LRRC8C: variants seen among roughly 807,000 people sequenced by gnomAD.
The protein encoded by LRRC8C is volume-regulated anion channel subunit LRRC8C.
LRRC8C carries 20 observed loss-of-function variants against 55.3 expected under a neutral mutation model. The ratio of observed to expected loss-of-function variants is 0.36; its 90% CI spans 0.25 to 0.53. The LOEUF is 0.53. Ranked by LOEUF, LRRC8C falls within the 20% of genes least tolerant of loss-of-function variation. The pLI, the probability that LRRC8C is intolerant of heterozygous loss-of-function variation, is 0.92. For synonymous variants in LRRC8C, 376 were observed against 360.7 expected, an observed-to-expected ratio of 1.04 and a Z score of -0.48; for missense variants, 659 against 951.4, an observed-to-expected ratio of 0.69 and a Z score of 4.04.
chr1:89,629,199 C>G (rs1656045386), upstream of LRRC8C, among the ~76,000 whole-genome samples: 1 of 152,186 alleles, frequency 6.6e-6, no homozygotes. Context: ...TAGCATTTAT[C>G]TTGCAGGTAT....
In LRRC8C at chr1:89,637,578, G is replaced by A. The variant is rs553565088; in HGVS notation, c.-5+4256G>A. 2.6e-5 allele frequency among the ~76,000 whole-genome samples: 4 copies of A among 152,148 alleles called. No homozygotes were observed. The East Asian group carries it at 7.7e-4, about 29-fold the overall frequency. ...GCTAGATATTGGTCATTCTTGGACT[G>A]TAAAAGTAGGAAAGAGACTGTGGGG... On this transcript the variant is annotated intron_variant, in intron 1 of 2. Coordinates refer to ENST00000370454, the MANE Select transcript of LRRC8C (RefSeq NM_032270.5).
intron 1 of LRRC8C, among the ~76,000 whole-genome samples, chr1:89,642,168 T>G (rs1314186155): frequency 6.6e-6 from 1 of 152,234 alleles, no homozygotes; most frequent in African/African-American, 2.4e-5. Context: ...TACTTGTAAC[T>G]GTGGTAACCC....
chr1:89,690,986 A>G (rs769506250), intron 2 of LRRC8C, among the ~76,000 whole-genome samples: 1 of 152,226 alleles, frequency 6.6e-6, no homozygotes, highest in Non-Finnish European at 1.5e-5. Flanking sequence ...AAAAAGTGAG[A>G]TGCCAAAAGA....
chr1:89,662,720 T>C (rs72961838), intron 1 of LRRC8C, among the ~76,000 whole-genome samples: 2,349 of 152,288 alleles, frequency 0.015, 52 homozygotes, highest in African/African-American at 0.054. Flanking sequence ...ACCTGAATAA[T>C]GCTAGTTATA....
intron 1 of LRRC8C, among the ~76,000 whole-genome samples, chr1:89,665,153 C>A (rs1244363656): frequency 6.6e-6 from 1 of 152,228 alleles, no homozygotes; most frequent in African/African-American, 2.4e-5. Flanking sequence ...CTGGCCAGAA[C>A]TTCCGATACT....
intron 1 of LRRC8C, among the ~76,000 whole-genome samples, chr1:89,658,730 A>T (rs1657017397): frequency 6.6e-6 from 1 of 152,194 alleles, no homozygotes; most frequent in African/African-American, 2.4e-5. Flanking sequence ...TCTTGAAAAT[A>T]TGTATGTACC....
At chr1:89,673,392 A>G (rs1431681937) in intron 1 of LRRC8C, among the ~76,000 whole-genome samples, 2 of 152,174 alleles carry the variant, frequency 1.3e-5, no homozygotes, top group Admixed American at 6.5e-5. Context: ...TATATCTGCA[A>G]GGTCTAGATA....
rs1274460805 is a variant in LRRC8C at position 89,686,504 on chromosome 1, T to C, written c.31T>C (p.Ser11Pro). 1 of 1,614,222 alleles carries C rather than the reference T, an allele frequency of 6.2e-7. No homozygotes were observed. The highest frequency in any genetic ancestry group is 8.5e-7 in the Non-Finnish European group (1 of 1,180,024). Residue 11 changes from serine to proline, a missense_variant, in exon 2 of 3, where the codon TCT becomes CCT. By Grantham distance (74) the Ser-to-Pro change is moderately conservative. Coordinates refer to ENST00000370454, the MANE Select transcript of LRRC8C (RefSeq NM_032270.5). Reference protein sequence around the residue: MIPVTEFRQFSEQQPAFRVLK... With the variant: MIPVTEFRQFPEQQPAFRVLK... ...TCCCGTGACAGAATTCCGGCAGTTC[T>C]CTGAGCAGCAGCCTGCCTTCCGAGT...
chr1:89,681,994 G>T (rs573430556), intron 1 of LRRC8C, among the ~76,000 whole-genome samples: 2 of 152,094 alleles, frequency 1.3e-5, no homozygotes, highest in Non-Finnish European at 2.9e-5. Flanking sequence ...TGGCTAACAC[G>T]GTGAAACCTC....
At chr1:89,667,601 C>G (rs1372189244) in intron 1 of LRRC8C, among the ~76,000 whole-genome samples, 1 of 152,128 alleles carries the variant, frequency 6.6e-6, no homozygotes, top group Non-Finnish European at 1.5e-5. Flanking sequence ...AATAGAGCTA[C>G]TTTCTGGGCA....
intron 1 of LRRC8C, among the ~76,000 whole-genome samples, chr1:89,666,459 G>C (rs1657266676): frequency 6.6e-6 from 1 of 152,044 alleles, no homozygotes; most frequent in Non-Finnish European, 1.5e-5. Flanking sequence ...ATGAGGCCCA[G>C]GACAGTTCTT....
At chr1:89,646,341 T>G (rs563495987) in intron 1 of LRRC8C, among the ~76,000 whole-genome samples, 16 of 152,204 alleles carry the variant, frequency 1.1e-4, no homozygotes, top group Non-Finnish European at 5.9e-5. Context: ...CCAATACATT[T>G]GACAACTTAA....
chr1:89,701,431 G>A lies in LRRC8C; in HGVS notation c.139-11278G>A, dbSNP rs147755427. Reference sequence around the variant, plus strand: ...GCGGAACTTGCAGTGAGCCAAGATCGCACCACTGCACTCCACTCCAGCCTG... The same window carrying A: ...GCGGAACTTGCAGTGAGCCAAGATCACACCACTGCACTCCACTCCAGCCTG... On this transcript the variant is annotated intron_variant, in intron 2 of 2. Transcript: ENST00000370454. Among the ~76,000 whole-genome samples, 558 of 149,782 alleles carry A rather than the reference G, an allele frequency of 3.7e-3. 3 individuals are homozygous for A. Among genetic ancestry groups the A allele is most frequent in the African/African-American group, 0.013 (522 of 40,682 alleles).
intron 2 of LRRC8C, among the ~76,000 whole-genome samples, chr1:89,692,857 C>T (rs1004350030): frequency 2.0e-5 from 3 of 152,202 alleles, no homozygotes; most frequent in Non-Finnish European, 4.4e-5. Context: ...AAGGTCAACA[C>T]GTTGCTTCCT....
upstream of LRRC8C, among the ~76,000 whole-genome samples, chr1:89,628,293 C>G (rs1418514645): frequency 6.6e-6 from 1 of 152,152 alleles, no homozygotes; most frequent in Non-Finnish European, 1.5e-5. Flanking sequence ...GGCAAATTAA[C>G]AAGAGAAAAG....
At chr1:89,668,784 C>T (rs761695096) in intron 1 of LRRC8C, among the ~76,000 whole-genome samples, 12 of 152,128 alleles carry the variant, frequency 7.9e-5, no homozygotes, top group Non-Finnish European at 1.0e-4. Context: ...ATACCTACCT[C>T]GTGGATTTAA....
At chr1:89,670,223 C>G (rs1037415775) in intron 1 of LRRC8C, among the ~76,000 whole-genome samples, 2 of 152,150 alleles carry the variant, frequency 1.3e-5, no homozygotes, top group Non-Finnish European at 2.9e-5. Flanking sequence ...CGTTTACATG[C>G]TTTTTGCGTG....
rs2101237276 is a variant in LRRC8C at position 89,670,785 on chromosome 1, G to A, written c.-4-15685G>A. On this transcript the variant is annotated intron_variant, in intron 1 of 2. Transcript: ENST00000370454. ...TTTAAATTTAGATTGTGAAAGTAAA[G>A]GTACCTGTTTATTTCTGTTTTCATA... Among the ~76,000 whole-genome samples the A allele has an allele frequency of 1.3e-5, 2 of 152,226 alleles. 1 individual carries two copies. Among genetic ancestry groups the A allele is most frequent in the East Asian group, 3.9e-4 (2 of 5,184 alleles).
chr1:89,667,822 C>T (rs928068247), intron 1 of LRRC8C, among the ~76,000 whole-genome samples: 2 of 152,182 alleles, frequency 1.3e-5, no homozygotes, highest in East Asian at 1.9e-4. Context: ...TTTAGGTACC[C>T]GTGAGAATGT....
Sources: gnomAD v4.1 joint callset for allele counts (sites outside exome capture counted in the v4.1 genomes callset) on GRCh38, gnomAD v4.1.1 for gene constraint, MANE v1.5 for transcripts, NCBI Gene and HGNC (gene_info 2026-07-23, HGNC 2026-07-21) for gene names.